The following CRB2 variants were observed in gnomAD, a reference collection of about 807,000 sequenced individuals.
The protein encoded by CRB2 is protein crumbs homolog 2.
In CRB2, 85 loss-of-function variants were observed where a neutral mutation model predicts 110.9. The ratio of observed to expected loss-of-function variants is 0.77; its 90% CI spans 0.64 to 0.92. CRB2 has a LOEUF of 0.92. Among genes scored for constraint, CRB2 ranks in the 40% least tolerant of loss-of-function variants. The pLI, the probability that CRB2 is intolerant of heterozygous loss-of-function variation, is 0.00. For missense variants in CRB2, 1,843 were observed against 1,851.3 expected, an observed-to-expected ratio of 1.00 and a Z score of 0.08; for synonymous variants, 907 against 831.0, an observed-to-expected ratio of 1.09 and a Z score of -1.57.
intron 11 of CRB2, 33 bp from the exon 12 acceptor site, chr9:123,375,184 G>A (rs1168567241): frequency 6.2e-7 from 1 of 1,611,064 alleles, no homozygotes; most frequent in Non-Finnish European, 8.5e-7. Context: ...AGCCATGGGG[G>A]AAGCCGCTTT....
intron 6 of CRB2, chr9:123,368,718 C>T (rs2041970692): frequency 1.9e-6 from 2 of 1,046,660 alleles, no homozygotes; most frequent in South Asian, 2.2e-5. Flanking sequence ...CAGGGCTGGG[C>T]TCTTTGCCCA....
Position 123,367,644 on chromosome 9 carries a change from C to G in CRB2, c.1012C>G (p.Leu338Val), listed in dbSNP as rs150877068. ...CCTCAACGGAGGCCACTGCCAGGAC[C>G]TGCCCAATGGCTTCCAGTGTCACTG... is the stretch of plus-strand genomic sequence containing the variant. ...PCLNGGHCQD[L>V]PNGFQCHCPD... Residue 338 changes from leucine to valine, a missense_variant, in exon 6 of 13, where the codon CTG becomes GTG. Leu to Val is a conservative substitution (Grantham distance 32). Transcript: ENST00000373631. 1 of 1,570,028 alleles carries G rather than the reference C, an allele frequency of 6.4e-7. No homozygotes were observed. The highest frequency in any genetic ancestry group is 1.4e-5 in the African/African-American group (1 of 73,706).
chr9:123,359,441 G>GTTTTTTTTTTTTTTTTTTTT (rs375773781), intron 1 of CRB2, among the ~76,000 whole-genome samples: 8 of 94,428 alleles, frequency 8.5e-5, no homozygotes, highest in African/African-American at 2.9e-4. Flanking sequence ...TTTTTGTTTT[G>GTTTTTTTTTTTTTTTTTTTT]TTTTTTTTTT....
Position 123,363,022 on chromosome 9 carries a change from C to T in CRB2, c.252C>T (p.Pro84=), listed in dbSNP as rs1218266104. The change falls in exon 2 of 13, where the codon CCC becomes CCT. Residue 84 remains proline (P), a synonymous_variant. Transcript: ENST00000373631. ...GCCACCACGGCGCTCTGTGTGTGCC[C>T]CAGGGTCCAGATCCCACCGGCTTCC... ...QPCHHGALCV[P]QGPDPTGFRC... The T allele has an allele frequency of 6.2e-7, 1 of 1,612,488 alleles. No homozygotes were observed. Among genetic ancestry groups the T allele is most frequent in the Non-Finnish European group, 8.5e-7 (1 of 1,179,942 alleles).
rs780269188 is a variant in CRB2 at position 123,371,489 on chromosome 9, C to T, written c.2347C>T (p.Pro783Ser). The change falls in exon 8 of 13, where the codon CCA (proline) becomes TCA (serine). Residue 783 changes from proline (P) to serine (S), a missense_variant. Coordinates refer to ENST00000373631, the MANE Select transcript of CRB2 (RefSeq NM_173689.7). ...CTGCCACCTCCCCTTCTTTCCTCTG[C>T]CACTGGATAACTCAAGCCAGCCCAG... ...DGCHLPFFPL[P>S]LDNSSQPSEL... The T allele has an allele frequency of 1.2e-6, 2 of 1,613,210 alleles. No individual in the cohort carries two copies. Among genetic ancestry groups the T allele is most frequent in the East Asian group, 2.2e-5 (1 of 44,888 alleles).
intron 1 of CRB2, among the ~76,000 whole-genome samples, chr9:123,356,736 G>A (rs945901958): frequency 6.6e-5 from 10 of 152,030 alleles, no homozygotes; most frequent in Non-Finnish European, 1.3e-4. Context: ...AGTTGCAGGT[G>A]GCATAAGCCT....
rs775037162 is a variant in CRB2, at chr9:123,367,672, C to T, written c.1040C>T (p.Pro347Leu). The change falls in exon 6 of 13, where the codon CCA (proline) becomes CTA (leucine). Residue 347 changes from proline (P) to leucine (L), a missense_variant. Coordinates refer to ENST00000373631, the MANE Select transcript of CRB2 (RefSeq NM_173689.7). ...DLPNGFQCHC[P>L]DGYAGPTCEE... ...CCCAATGGCTTCCAGTGTCACTGCC[C>T]AGATGGCTACGCAGGTGTCTGGGGT... 102 of 1,559,958 alleles carry T rather than the reference C, an allele frequency of 6.5e-5. 2 individuals carry two copies. The South Asian group carries it at 1.1e-3, about 17-fold the overall frequency.
At chr9:123,364,506 G>T (rs1351635714) in intron 2 of CRB2, among the ~76,000 whole-genome samples, 3 of 145,388 alleles carry the variant, frequency 2.1e-5, no homozygotes, top group Non-Finnish European at 4.6e-5. Context: ...GGGTGGGGGA[G>T]TTTGGGATTT....
intron 1 of CRB2, among the ~76,000 whole-genome samples, chr9:123,356,971 C>T (rs1400186388): frequency 6.6e-6 from 1 of 151,984 alleles, no homozygotes; most frequent in African/African-American, 2.4e-5. Context: ...ACAGCCGACC[C>T]CAACTCGGGA....
chr9:123,359,429 C>CGTT (rs2041835239), intron 1 of CRB2, among the ~76,000 whole-genome samples: 1 of 106,258 alleles, frequency 9.4e-6, no homozygotes, highest in African/African-American at 4.5e-5. Context: ...TGTGGTTTTT[C>CGTT]GTTTTTGTTT....
chr9:123,362,411 C>T (rs1258946564), intron 1 of CRB2, among the ~76,000 whole-genome samples: 1 of 152,158 alleles, frequency 6.6e-6, no homozygotes. Flanking sequence ...TCCAGATAGA[C>T]CTTGAAGCCT....
In CRB2 at chr9:123,369,847, T is replaced by TG. The variant is rs549536207; in HGVS notation, c.1055-255dup. ...CCCAGACAGCTGGTAAGGCAGGAGATGGGGGGTAGGAGAAAGGGGCATTGG... is the reference window on the plus strand; with the variant it reads ...CCCAGACAGCTGGTAAGGCAGGAGATGGGGGGGTAGGAGAAAGGGGCATTGG... On this transcript the variant is annotated intron_variant, in intron 6 of 12. Coordinates refer to ENST00000373631, the MANE Select transcript of CRB2 (RefSeq NM_173689.7). 6.1e-4 allele frequency among the ~76,000 whole-genome samples: 92 copies of TG among 151,004 alleles called. 2 individuals carry two copies. In the South Asian group the frequency reaches 0.019, roughly 31 times the overall value.
chr9:123,361,133 G>GA (rs1268218826), intron 1 of CRB2, among the ~76,000 whole-genome samples: 1 of 66,354 alleles, frequency 1.5e-5, no homozygotes, highest in Non-Finnish European at 5.4e-5. Context: ...TTGGATGGGC[G>GA]GGGAGGGGGG....
chr9:123,365,447 C>T (rs1422981027), intron 2 of CRB2, among the ~76,000 whole-genome samples: 1 of 152,200 alleles, frequency 6.6e-6, no homozygotes, highest in Non-Finnish European at 1.5e-5. Flanking sequence ...AATAACCCCG[C>T]CTAGGGCATC....
chr9:123,367,411 T>A (rs1225532782), intron 5 of CRB2, 54 bp downstream of exon 5: 12 of 1,420,360 alleles, frequency 8.4e-6, no homozygotes, highest in Non-Finnish European at 1.1e-5. Flanking sequence ...CAGGGAGGGA[T>A]CTTGTGCCCA....
At position 123,370,980 on chromosome 9, in the gene CRB2, G is replaced by A; in HGVS notation, c.1927G>A (p.Glu643Lys). The change falls in exon 7 of 13, where the codon GAG (glutamate) becomes AAG (lysine). Residue 643 changes from glutamate to lysine, a missense_variant and splice_region_variant. By Grantham distance (56) the Glu-to-Lys change is moderately conservative. Coordinates refer to ENST00000373631, the MANE Select transcript of CRB2 (RefSeq NM_173689.7). ...RPHRGPTCAD[E>K]IPAATFGLGG... ...CCATAGAGGTCCCACGTGCGCTGAT[G>A]GTGAGGAATAAGCCAGGTGGGAAGG... 1 of 1,601,442 alleles carries A rather than the reference G, an allele frequency of 6.2e-7. No individual in the cohort carries two copies. The highest frequency in any genetic ancestry group is 8.5e-7 in the Non-Finnish European group (1 of 1,172,114).
Position 123,373,387 on chromosome 9 carries a change from C to G in CRB2, c.2856C>G (p.Ala952=). ...AVLPIPGPRV[A]DGAWHRVRLA... Reference sequence around the variant, plus strand: ...TGCCCATACCGGGGCCGCGCGTGGCCGATGGTGCCTGGCACCGCGTGCGTC... The same window carrying G: ...TGCCCATACCGGGGCCGCGCGTGGCGGATGGTGCCTGGCACCGCGTGCGTC... Residue 952 remains alanine, a synonymous_variant, in exon 10 of 13, where the codon GCC becomes GCG. Transcript: ENST00000373631. The G allele has an allele frequency of 7.0e-7, 1 of 1,434,912 alleles. No homozygotes were observed. Among genetic ancestry groups the G allele is most frequent in the South Asian group, 1.4e-5 (1 of 72,920 alleles). The allele number at this position is 1,434,912 out of a possible 1,614,324, so 88.9% of individuals were successfully genotyped here. A position where few individuals can be genotyped will look rare whatever the true frequency, so the allele number is the denominator to read the frequency against.
At chr9:123,362,830 G>T (rs2041883201) in intron 1 of CRB2, 35 bp from the exon 2 acceptor site, 1 of 1,537,412 alleles carries the variant, frequency 6.5e-7, no homozygotes. Flanking sequence ...TGTAACCTCT[G>T]CCCACCCTGC....
At position 123,373,868 on chromosome 9, in the gene CRB2, G is replaced by A. The variant is rs767406675; in HGVS notation, c.3337G>A (p.Asp1113Asn). ...CARGRCHTHP[D>N]GRFECRCPPG... ...CCGTGGCCGCTGTCACACGCACCCC[G>A]ACGGCCGCTTCGAGTGCCGCTGCCC... Residue 1113 changes from aspartate (D) to asparagine (N), a missense_variant, in exon 10 of 13, where the codon GAC becomes AAC. Physicochemically the swap from Asp to Asn is conservative, Grantham distance 23. Transcript: ENST00000373631. The A allele has an allele frequency of 6.4e-7, 1 of 1,552,034 alleles. No individual in the cohort carries two copies.
Sources: gnomAD v4.1 joint callset for allele counts (sites outside exome capture counted in the v4.1 genomes callset) on GRCh38, gnomAD v4.1.1 for gene constraint, MANE v1.5 for transcripts, NCBI Gene and HGNC (gene_info 2026-07-23, HGNC 2026-07-21) for gene names.